LAMA3: variants seen among roughly 807,000 people sequenced by gnomAD.
The protein encoded by LAMA3 is laminin subunit alpha-3.
A neutral mutation model predicts 402.0 loss-of-function variants in LAMA3; 281 were observed. The ratio of observed to expected loss-of-function variants is 0.70; its 90% confidence interval spans 0.63 to 0.77. LAMA3 has a LOEUF of 0.77. LAMA3 is among the 30% of genes least tolerant of loss of function. The pLI is 0.00. For missense variants in LAMA3, 3,840 were observed against 4,215.5 expected, an observed-to-expected ratio of 0.91 and a Z score of 2.47; for synonymous variants, 1,431 against 1,558.4, an observed-to-expected ratio of 0.92 and a Z score of 1.93.
At chr18:23,805,815 A>G (rs1381139291) in intron 12 of LAMA3, among the ~76,000 whole-genome samples, 2 of 152,186 alleles carry the variant, frequency 1.3e-5, no homozygotes, top group African/African-American at 2.4e-5. Flanking sequence ...GTCCCTTTGG[A>G]AAAGGCTGGG....
chr18:23,735,445 G>A (rs192680817), intron 2 of LAMA3, among the ~76,000 whole-genome samples: 3 of 152,280 alleles, frequency 2.0e-5, no homozygotes, highest in Non-Finnish European at 2.9e-5. Context: ...ATACGTCTTC[G>A]TTCCTAGCGT....
chr18:23,795,135 TCTC>T (rs758119109), intron 12 of LAMA3, among the ~76,000 whole-genome samples: 59 of 152,208 alleles, frequency 3.9e-4, no homozygotes, highest in Non-Finnish European at 7.2e-4. Context: ...CTCAGCCTAG[TCTC>T]CTCCTCCCTT....
rs779403203 is a variant in LAMA3, at chr18:23,924,341, C to T, written c.8177+2756C>T. ...TAATTTTTTGTATTTTTAGCAGAGA[C>T]GGGGTTCCCCATGTTGTCCAGGCTG... is the stretch of plus-strand genomic sequence containing the variant. On this transcript the variant is annotated intron_variant, in intron 62 of 74. Transcript: ENST00000313654. 4.6e-5 allele frequency among the ~76,000 whole-genome samples: 7 copies of T among 150,952 alleles called. No homozygotes were observed. The South Asian group carries it at 6.3e-4, about 14-fold the overall frequency.
At chr18:23,770,443 T>A (rs1254157618) in intron 8 of LAMA3, among the ~76,000 whole-genome samples, 3 of 151,452 alleles carry the variant, frequency 2.0e-5, no homozygotes, top group Admixed American at 1.3e-4. Flanking sequence ...AGTAGATATA[T>A]AAATGGCCAA....
chr18:23,914,689 T>C lies in LAMA3; in HGVS notation c.7482-9T>C. On this transcript the variant is annotated splice_polypyrimidine_tract_variant and intron_variant, in intron 57 of 74. Transcript: ENST00000313654. ...GTTTAACTTTATTATCTAAATTCAT[T>C]TTAAACAGAATTTATCAGTTTGCAA... is the stretch of plus-strand genomic sequence containing the variant. The C allele has an allele frequency of 6.2e-7, 1 of 1,609,524 alleles. No individual in the cohort carries two copies. The highest frequency in any genetic ancestry group is 8.5e-7 in the Non-Finnish European group (1 of 1,177,032).
chr18:23,806,981 G>A (rs1297648688), intron 12 of LAMA3, among the ~76,000 whole-genome samples: 5 of 152,144 alleles, frequency 3.3e-5, no homozygotes, highest in Non-Finnish European at 5.9e-5. Context: ...CAAATACGTG[G>A]TCACCCAGAA....
At chr18:23,897,508 A>G (rs1056894332) in intron 44 of LAMA3, among the ~76,000 whole-genome samples, 2 of 152,164 alleles carry the variant, frequency 1.3e-5, no homozygotes, top group Non-Finnish European at 2.9e-5. Context: ...ACCCTGTGCT[A>G]AGGGCTTTAC....
rs559025838 is a variant in LAMA3 at position 23,928,121 on chromosome 18, A to C, written c.8178-2A>C. Reference sequence around the variant, plus strand: ...CTTCCTTTTATCTGTGTTCGTAATCAGATTTAACATTTCTACGCCTGCTTT... The same window carrying C: ...CTTCCTTTTATCTGTGTTCGTAATCCGATTTAACATTTCTACGCCTGCTTT... On this transcript the variant is annotated splice_acceptor_variant, in intron 62 of 74. Coordinates refer to ENST00000313654, the MANE Select transcript of LAMA3 (RefSeq NM_198129.4). LOFTEE classifies it high-confidence loss of function. 1 of 1,600,940 alleles carries C rather than the reference A, an allele frequency of 6.2e-7. No individual in the cohort carries two copies. The highest frequency in any genetic ancestry group is 1.3e-5 in the African/African-American group (1 of 74,802).
At chr18:23,748,149 CTGGGTG>C (rs2061683551) in intron 3 of LAMA3, 89 bp downstream of exon 3, 1 of 925,490 alleles carries the variant, frequency 1.1e-6, no homozygotes, top group East Asian at 2.4e-5. Flanking sequence ...TTAATCTTGG[CTGGGTG>C]TGGTGGCTCA....
intron 8 of LAMA3, among the ~76,000 whole-genome samples, chr18:23,772,014 T>C (rs899205596): frequency 8.5e-5 from 13 of 152,096 alleles, no homozygotes; most frequent in South Asian, 4.1e-4. Flanking sequence ...CTTTCACCTC[T>C]TCCACAGAGA....
At chr18:23,926,855 G>A (rs2082017730) in intron 62 of LAMA3, among the ~76,000 whole-genome samples, 1 of 152,208 alleles carries the variant, frequency 6.6e-6, no homozygotes, top group African/African-American at 2.4e-5. Flanking sequence ...GCAGTAATAT[G>A]GGAGTAGTTA....
intron 12 of LAMA3, chr18:23,796,116 C>T: frequency 2.3e-6 from 1 of 434,912 alleles, no homozygotes; most frequent in South Asian, 1.7e-5. Context: ...TTCCCAGCCT[C>T]CAGAACTGGA....
At chr18:23,753,352 T>A (rs2061786329) in intron 5 of LAMA3, among the ~76,000 whole-genome samples, 1 of 152,232 alleles carries the variant, frequency 6.6e-6, no homozygotes, top group African/African-American at 2.4e-5. Context: ...GATAAATAAA[T>A]ATTTTCAATG....
intron 69 of LAMA3, among the ~76,000 whole-genome samples, chr18:23,944,265 T>C (rs1388243935): frequency 3.3e-5 from 5 of 152,202 alleles, no homozygotes; most frequent in African/African-American, 1.2e-4. Context: ...TCCTTCATCC[T>C]GGACCATTTC....
intron 55 of LAMA3, among the ~76,000 whole-genome samples, chr18:23,911,153 G>T (rs1371576922): frequency 7.3e-6 from 1 of 137,112 alleles, no homozygotes; most frequent in Non-Finnish European, 1.5e-5. Flanking sequence ...AGGAGAGAAT[G>T]CCAGGCAGAG....
In LAMA3 at chr18:23,775,928, G is replaced by A; in HGVS notation, c.1405+5G>A. ...ACAATTTCCCATTTTGCTTGAGTAA[G>A]TACCCACTGCAGAACAAGAGGCCAC... On this transcript the variant is annotated splice_donor_5th_base_variant and intron_variant, in intron 10 of 74. Coordinates refer to ENST00000313654, the MANE Select transcript of LAMA3 (RefSeq NM_198129.4). 3.1e-6 allele frequency: 5 copies of A among 1,614,096 alleles called. No individual in the cohort carries two copies. Among genetic ancestry groups the A allele is most frequent in the Non-Finnish European group, 4.2e-6 (5 of 1,180,016 alleles).
intron 2 of LAMA3, among the ~76,000 whole-genome samples, chr18:23,741,120 A>AT (rs1049188697): frequency 8.0e-5 from 12 of 150,778 alleles, no homozygotes; most frequent in Admixed American, 3.3e-4. Context: ...CGCCTGGCTA[A>AT]TTTTTTTTTG....
At chr18:23,942,405 C>T (rs2082554221) in intron 68 of LAMA3, among the ~76,000 whole-genome samples, 2 of 152,180 alleles carry the variant, frequency 1.3e-5, no homozygotes, top group Non-Finnish European at 2.9e-5. Context: ...AAACATCCAT[C>T]GTTGCATTCC....
At chr18:23,789,406 G>A (rs1311074190) in intron 12 of LAMA3, among the ~76,000 whole-genome samples, 3 of 152,166 alleles carry the variant, frequency 2.0e-5, no homozygotes, top group Non-Finnish European at 1.5e-5. Context: ...TAGCCAAAAT[G>A]GGGAAACAAC....
Sources: gnomAD v4.1 joint callset for allele counts (sites outside exome capture counted in the v4.1 genomes callset) on GRCh38, gnomAD v4.1.1 for gene constraint, MANE v1.5 for transcripts, NCBI Gene and HGNC (gene_info 2026-07-23, HGNC 2026-07-21) for gene names.